Variants in TEX9 observed in about 807,000 individuals in gnomAD.
The protein encoded by TEX9 is testis expressed 9.
In TEX9, 74 loss-of-function variants were observed where a neutral mutation model predicts 59.6. The observed-to-expected ratio is 1.24, with a 90% CI of 1.03 to 1.51. The LOEUF (loss-of-function observed/expected upper bound fraction) is 1.51. Ranked by LOEUF, TEX9 falls within the 40% of genes most tolerant of loss-of-function variation. The pLI, the probability that TEX9 is intolerant of heterozygous loss-of-function variation, is 0.00. For synonymous variants in TEX9, 186 were observed against 152.2 expected (o/e 1.22, Z -1.64); for missense variants, 522 against 447.8 (o/e 1.17, Z -1.49).
intron 1 of TEX9, among the ~76,000 whole-genome samples, chr15:56,312,228 G>A (rs2045638784): frequency 7.0e-6 from 1 of 143,576 alleles, no homozygotes; most frequent in South Asian, 2.3e-4. Flanking sequence ...CCATGCCTAT[G>A]TCCTGAATGG....
At chr15:56,341,249 A>C (rs918714506) in intron 1 of TEX9, among the ~76,000 whole-genome samples, 3 of 152,084 alleles carry the variant, frequency 2.0e-5, no homozygotes, top group Admixed American at 2.0e-4. Context: ...AGCAACAGTT[A>C]TGCAATTCCA....
At chr15:56,261,651 A>T (rs1438178262) in intron 1 of TEX9, among the ~76,000 whole-genome samples, 3 of 152,064 alleles carry the variant, frequency 2.0e-5, no homozygotes, top group Admixed American at 1.3e-4. Context: ...TGGGAAGGGG[A>T]GGTTGCAGTG....
chr15:56,383,238 A>C (rs1596152312), intron 3 of TEX9, among the ~76,000 whole-genome samples: 1 of 151,988 alleles, frequency 6.6e-6, no homozygotes, highest in Non-Finnish European at 1.5e-5. Flanking sequence ...AAGTGCACAG[A>C]CTCTTCAGGC....
chr15:56,320,507 GAA>G (rs1429526993), intron 1 of TEX9, among the ~76,000 whole-genome samples: 1 of 152,044 alleles, frequency 6.6e-6, no homozygotes, highest in African/African-American at 2.4e-5. Flanking sequence ...ATAGAGAGGA[GAA>G]AGAGAGAGAC....
intron 1 of TEX9, among the ~76,000 whole-genome samples, chr15:56,289,928 C>T (rs1283118757): frequency 6.6e-6 from 1 of 152,222 alleles, no homozygotes; most frequent in Non-Finnish European, 1.5e-5. Context: ...GTTACAAAGT[C>T]TTTGGCATCA....
intron 6 of TEX9, among the ~76,000 whole-genome samples, chr15:56,389,711 CT>C (rs2142255141): frequency 6.6e-6 from 1 of 151,138 alleles, no homozygotes; most frequent in Non-Finnish European, 1.5e-5. Flanking sequence ...TTTTTAATCT[CT>C]GCCTAGTTCT....
chr15:56,370,765 G>A (rs1252560183), intron 2 of TEX9, among the ~76,000 whole-genome samples: 1 of 152,130 alleles, frequency 6.6e-6, no homozygotes, highest in African/African-American at 2.4e-5. Context: ...AGGTGGATTT[G>A]TTTTCTTTAT....
chr15:56,437,272 C>A (rs1206687791), intron 12 of TEX9, among the ~76,000 whole-genome samples: 1 of 152,174 alleles, frequency 6.6e-6, no homozygotes, highest in Admixed American at 6.5e-5. Flanking sequence ...CCACCATGAT[C>A]AAGTGGGCTT....
intron 3 of TEX9, among the ~76,000 whole-genome samples, chr15:56,381,073 A>G (rs1199268161): frequency 2.0e-5 from 3 of 151,694 alleles, no homozygotes; most frequent in African/African-American, 7.3e-5. Flanking sequence ...TTTTGAGCCT[A>G]TTTTCTAGAT....
chr15:56,313,123 T>A (rs1265600838), intron 1 of TEX9, among the ~76,000 whole-genome samples: 2 of 151,732 alleles, frequency 1.3e-5, no homozygotes, highest in Non-Finnish European at 2.9e-5. Flanking sequence ...TTTTCCTAAT[T>A]GAATACCCGT....
intron 1 of TEX9, among the ~76,000 whole-genome samples, chr15:56,327,220 G>C (rs2046037480): frequency 2.0e-5 from 3 of 151,938 alleles, no homozygotes; most frequent in Admixed American, 2.0e-4. Flanking sequence ...ATATGAATCT[G>C]CTCATATTAT....
intron 1 of TEX9, among the ~76,000 whole-genome samples, chr15:56,263,036 T>G (rs1208217775): frequency 6.6e-6 from 1 of 152,196 alleles, no homozygotes; most frequent in East Asian, 1.9e-4. Context: ...TTTGTTTTTG[T>G]TTTTTGAGAC....
At chr15:56,368,440 A>G (rs2047042857) in intron 2 of TEX9, among the ~76,000 whole-genome samples, 1 of 152,124 alleles carries the variant, frequency 6.6e-6, no homozygotes, top group Non-Finnish European at 1.5e-5. Flanking sequence ...TCTGTATGAA[A>G]GAAGCCGAAT....
At chr15:56,316,980 A>G (rs1596084271) in intron 1 of TEX9, among the ~76,000 whole-genome samples, 1 of 152,314 alleles carries the variant, frequency 6.6e-6, no homozygotes, top group Non-Finnish European at 1.5e-5. Flanking sequence ...GCGCTTCCCA[A>G]GTGAGGCAAT....
chr15:56,377,173 T>G (rs1213708204), intron 3 of TEX9, among the ~76,000 whole-genome samples: 1 of 152,214 alleles, frequency 6.6e-6, no homozygotes, highest in Non-Finnish European at 1.5e-5. Flanking sequence ...TAGTATAATT[T>G]GAAGCCAGGT....
chr15:56,409,599 C>T (rs139792933), intron 9 of TEX9, among the ~76,000 whole-genome samples: 21 of 152,272 alleles, frequency 1.4e-4, no homozygotes, highest in African/African-American at 4.3e-4. Context: ...CTCCCCAGCT[C>T]AAGCAATCCT....
chr15:56,454,929 CACAAATCTTAAGTGT>C, the TEX9 span, among the ~76,000 whole-genome samples: 1 of 152,010 alleles, frequency 6.6e-6, no homozygotes. Context: ...CACTAAAGTG[CACAAATCTTAAGTGT>C]ACAGCTTGTA....
chr15:56,363,198 T>C (rs559719791), upstream of TEX9, among the ~76,000 whole-genome samples: 1 of 152,240 alleles, frequency 6.6e-6, no homozygotes, highest in South Asian at 2.1e-4. Context: ...TGCACAATTT[T>C]CCCATTCCCA....
intron 1 of TEX9, among the ~76,000 whole-genome samples, chr15:56,355,484 C>T (rs936285920): frequency 6.6e-6 from 1 of 152,116 alleles, no homozygotes; most frequent in African/African-American, 2.4e-5. Flanking sequence ...TACATGTCTG[C>T]ATTTTTTATC....
Sources: gnomAD v4.1 joint callset for allele counts (sites outside exome capture counted in the v4.1 genomes callset) on GRCh38, gnomAD v4.1.1 for gene constraint, MANE v1.5 for transcripts, NCBI Gene and HGNC (gene_info 2026-07-23, HGNC 2026-07-21) for gene names.